ZNF454: variants seen among roughly 807,000 people sequenced by gnomAD.
The protein encoded by ZNF454 is zinc finger protein 454.
ZNF454 carries 30 observed loss-of-function variants against 48.2 expected under a neutral mutation model. That is an observed-to-expected ratio of 0.62 (90% CI 0.47 to 0.84). The LOEUF is 0.84. Among genes scored for constraint, ZNF454 ranks in the 40% least tolerant of loss-of-function variants. ZNF454 has a pLI of 0.00. For missense variants in ZNF454, 510 were observed against 623.1 expected, an observed-to-expected ratio of 0.82 and a Z score of 1.93; for synonymous variants, 204 against 211.4, an observed-to-expected ratio of 0.97 and a Z score of 0.30.
At chr5:178,989,014 C>T in the ZNF454 span, 11 of 1,614,010 alleles carry the variant, frequency 6.8e-6, no homozygotes, top group South Asian at 1.1e-5. Context: ...GGCCTGTGTG[C>T]CCAGGGCAGA....
intron 4 of ZNF454, among the ~76,000 whole-genome samples, chr5:178,957,830 C>T (rs1002483780): frequency 2.6e-5 from 4 of 152,026 alleles, no homozygotes; most frequent in Admixed American, 2.0e-4. Flanking sequence ...GTGGTCAAAC[C>T]GGGATGCATT....
intron 2 of ZNF454, among the ~76,000 whole-genome samples, chr5:178,943,044 G>A (rs532635338): frequency 4.6e-5 from 7 of 152,206 alleles, no homozygotes; most frequent in Non-Finnish European, 1.0e-4. Flanking sequence ...AAATGTCACA[G>A]CTGGGACTGG....
In ZNF454 at chr5:178,950,484, C is replaced by T. The variant is rs547710012; in HGVS notation, c.250+3498C>T. On this transcript the variant is annotated intron_variant, in intron 4 of 4. Transcript: ENST00000519564. ...GTTAGCATGAAGCCGGCAGGAGACT[C>T]GCCCGACCCTTCAAGTGTTGCACTT... is the stretch of plus-strand genomic sequence containing the variant. Among the ~76,000 whole-genome samples, 8 of 152,290 alleles carry T rather than the reference C, an allele frequency of 5.3e-5. No homozygotes were observed. In the East Asian group the frequency reaches 1.4e-3, roughly 26 times the overall value.
At chr5:178,950,748 T>A (rs1044895094) in intron 4 of ZNF454, among the ~76,000 whole-genome samples, 1 of 152,178 alleles carries the variant, frequency 6.6e-6, no homozygotes, top group Non-Finnish European at 1.5e-5. Context: ...AGATTACAAC[T>A]ATGTATTATC....
At chr5:178,986,994 A>G in the ZNF454 span, 2 of 1,612,722 alleles carry the variant, frequency 1.2e-6, no homozygotes, top group East Asian at 2.2e-5. Flanking sequence ...CTGGAGAGAG[A>G]GTCCGTCATC....
the ZNF454 span, chr5:178,981,494 G>C: frequency 4.0e-4 from 245 of 609,326 alleles, no homozygotes; most frequent in African/African-American, 3.9e-3. The surrounding 1 kb of genome is among the most constrained non-coding windows in gnomAD (Gnocchi z 5.1). Context: ...GGTAGAGCTG[G>C]GTCCAGTTCC....
intron 4 of ZNF454, among the ~76,000 whole-genome samples, chr5:178,952,028 T>C (rs902091440): frequency 1.3e-5 from 2 of 151,982 alleles, no homozygotes; most frequent in Non-Finnish European, 2.9e-5. Context: ...ACTAGTGAGG[T>C]TGAACATCTT....
the ZNF454 span, chr5:178,975,742 TAC>T: frequency 2.5e-6 from 1 of 406,386 alleles, no homozygotes; most frequent in Non-Finnish European, 5.1e-6. Context: ...CAGGCTATGG[TAC>T]TCAGTTACTT....
chr5:178,968,614 G>A (rs965541178), downstream of ZNF454: 6 of 356,150 alleles, frequency 1.7e-5, no homozygotes, highest in African/African-American at 4.3e-5. Flanking sequence ...GCAGCTTCAC[G>A]CAGCTGACAC....
At chr5:178,989,523 C>CA in the ZNF454 span, 1 of 1,293,864 alleles carries the variant, frequency 7.7e-7, no homozygotes, top group South Asian at 1.2e-5. Context: ...TAGGAGTGGC[C>CA]AGGTGAACTA....
intron 4 of ZNF454, among the ~76,000 whole-genome samples, chr5:178,954,322 G>C (rs1026351491): frequency 3.3e-5 from 5 of 152,056 alleles, no homozygotes; most frequent in African/African-American, 1.2e-4. Flanking sequence ...TAAAATTCCT[G>C]CCCATTGACT....
chr5:178,984,182 A>G, the ZNF454 span, among the ~76,000 whole-genome samples: 4,205 of 152,072 alleles, frequency 0.028, 85 homozygotes, highest in South Asian at 0.074. Flanking sequence ...CCAGGTGGAA[A>G]AAAAAAAAGT....
At chr5:178,987,758 A>ATTAT in the ZNF454 span, among the ~76,000 whole-genome samples, 22 of 151,884 alleles carry the variant, frequency 1.4e-4, no homozygotes, top group African/African-American at 2.2e-4. Flanking sequence ...TTGTGAATTT[A>ATTAT]TTATTTATTT....
chr5:178,972,100 A>AT, the ZNF454 span, among the ~76,000 whole-genome samples: 25 of 151,884 alleles, frequency 1.6e-4, no homozygotes, highest in African/African-American at 5.3e-4. Context: ...CACCTGGCTA[A>AT]TTTTTTGTAT....
At chr5:178,989,715 G>A in the ZNF454 span, 1 of 470,810 alleles carries the variant, frequency 2.1e-6, no homozygotes, top group South Asian at 2.1e-5. Context: ...CCATTTGAAA[G>A]ACTTTTATCC....
chr5:178,970,376 A>G (rs1355466558), downstream of ZNF454, among the ~76,000 whole-genome samples: 1 of 151,880 alleles, frequency 6.6e-6, no homozygotes, highest in Non-Finnish European at 1.5e-5. Flanking sequence ...TTGGCAATTT[A>G]AATATTTTTG....
chr5:178,983,104 C>G, the ZNF454 span: 4 of 1,613,954 alleles, frequency 2.5e-6, no homozygotes, highest in Non-Finnish European at 3.4e-6. Flanking sequence ...AGAGACAGAT[C>G]CGACATGTCG....
chr5:178,971,665 A>G, the ZNF454 span, among the ~76,000 whole-genome samples: 16,527 of 150,670 alleles, frequency 0.11, 1,329 homozygotes, highest in African/African-American at 0.22. Context: ...TGACTAACAC[A>G]GTGAAACCCC....
chr5:178,962,931 G>A (rs148763409), intron 4 of ZNF454, among the ~76,000 whole-genome samples: 26 of 151,868 alleles, frequency 1.7e-4, no homozygotes, highest in Non-Finnish European at 2.6e-4. Flanking sequence ...TCATTTGCCC[G>A]TACTACTAGT....
Sources: gnomAD v4.1 joint callset for allele counts (sites outside exome capture counted in the v4.1 genomes callset) on GRCh38, gnomAD v4.1.1 for gene constraint, Gnocchi (gnomAD v3.1) non-coding constraint, MANE v1.5 for transcripts, NCBI Gene and HGNC (gene_info 2026-07-23, HGNC 2026-07-21) for gene names.